The following IL1RAPL2 variants were observed in gnomAD, a reference collection of about 807,000 sequenced individuals.
The protein encoded by IL1RAPL2 is interleukin 1 receptor accessory protein like 2.
In IL1RAPL2, 3 loss-of-function variants were observed where a neutral mutation model predicts 44.1. The ratio of observed to expected loss-of-function variants is 0.07; its 90% confidence interval spans 0.03 to 0.18. IL1RAPL2 has a LOEUF of 0.18. IL1RAPL2 is among the 10% of genes least tolerant of loss of function. The probability of loss-of-function intolerance (pLI) is 1.00; values close to 1 mark genes in which losing one functional copy is unlikely to be tolerated. For missense variants in IL1RAPL2, 391 were observed against 496.4 expected, an observed-to-expected ratio of 0.79 and a Z score of 2.02; for synonymous variants, 181 against 178.8, an observed-to-expected ratio of 1.01 and a Z score of -0.10.
chrX:105,498,062 A>C (rs2036367781), intron 6 of IL1RAPL2, among the ~76,000 whole-genome samples: 1 of 112,031 alleles, frequency 8.9e-6, no homozygotes, highest in South Asian at 3.7e-4. Context: ...CAGAGCGATC[A>C]GGCAAGAAAA....
intron 2 of IL1RAPL2, among the ~76,000 whole-genome samples, chrX:104,717,833 C>T (rs1204701039): frequency 1.8e-5 from 2 of 108,686 alleles, no homozygotes; most frequent in African/African-American, 6.7e-5. Context: ...TCAATTCCCA[C>T]CTATGAGTGA....
chrX:104,890,660 G>A (rs970923467), intron 2 of IL1RAPL2, among the ~76,000 whole-genome samples: 3 of 111,867 alleles, frequency 2.7e-5, no homozygotes, highest in Non-Finnish European at 5.6e-5. Flanking sequence ...TTTTTTTCTT[G>A]TAAATTTGTT....
chrX:105,435,874 A>G (rs1158998345), intron 5 of IL1RAPL2, among the ~76,000 whole-genome samples: 1 of 110,742 alleles, frequency 9.0e-6, no homozygotes, highest in Non-Finnish European at 1.9e-5. Flanking sequence ...GGGGAACAAC[A>G]CATACCGGGG....
At chrX:105,002,911 C>T (rs953707573) in intron 2 of IL1RAPL2, among the ~76,000 whole-genome samples, 2 of 111,018 alleles carry the variant, frequency 1.8e-5, no homozygotes, top group African/African-American at 3.3e-5. Context: ...TATTGAAATC[C>T]TGTGTGAGAA....
intron 2 of IL1RAPL2, among the ~76,000 whole-genome samples, chrX:105,156,269 T>A (rs1569394399): frequency 8.9e-6 from 1 of 111,762 alleles, no homozygotes; most frequent in Admixed American, 9.5e-5. Context: ...GGATTGATCA[T>A]CTCACAGGTA....
Position 105,601,547 on chromosome X carries a change from G to C in IL1RAPL2, c.773-115820G>C, listed in dbSNP as rs142359466. 6.0e-3 allele frequency among the ~76,000 whole-genome samples: 672 copies of C among 111,238 alleles called. 4 individuals carry two copies. Among genetic ancestry groups the C allele is most frequent in the African/African-American group, 0.021 (639 of 30,568 alleles). On this transcript the variant is annotated intron_variant, in intron 6 of 10. Coordinates refer to ENST00000372582, the MANE Select transcript of IL1RAPL2 (RefSeq NM_017416.2). ...AAGTAAGCAAGAGGCTCTCAGCAGC[G>C]CCTATTGCCGCTGTGGATGCCTGCA...
chrX:104,630,496 C>T (rs754294957), intron 1 of IL1RAPL2, among the ~76,000 whole-genome samples: 1 of 107,493 alleles, frequency 9.3e-6, no homozygotes, highest in African/African-American at 3.4e-5. Flanking sequence ...TGGGGTTTCA[C>T]CATGTTGGCC....
chrX:104,629,483 C>G (rs1464254372), intron 1 of IL1RAPL2, among the ~76,000 whole-genome samples: 1 of 111,761 alleles, frequency 8.9e-6, no homozygotes, highest in Non-Finnish European at 1.9e-5. Context: ...GACGGGTTGT[C>G]CTTTCACTCT....
chrX:105,058,050 G>A (rs1177854627), intron 2 of IL1RAPL2, among the ~76,000 whole-genome samples: 1 of 107,829 alleles, frequency 9.3e-6, no homozygotes, highest in Non-Finnish European at 1.9e-5. Flanking sequence ...CCGGGTTCAC[G>A]CCATTCTCCT....
intron 2 of IL1RAPL2, among the ~76,000 whole-genome samples, chrX:105,112,062 A>G (rs910966437): frequency 8.0e-5 from 9 of 111,893 alleles, no homozygotes; most frequent in Admixed American, 9.5e-5. Flanking sequence ...GCTCTGCCAA[A>G]TGTAAATGTT....
At chrX:105,515,747 G>C (rs1430365881) in intron 6 of IL1RAPL2, among the ~76,000 whole-genome samples, 1 of 111,863 alleles carries the variant, frequency 8.9e-6, no homozygotes, top group Non-Finnish European at 1.9e-5. Flanking sequence ...TAGGGGTGTG[G>C]TGGGAAAGAA....
intron 2 of IL1RAPL2, among the ~76,000 whole-genome samples, chrX:104,826,373 C>T (rs918878500): frequency 9.9e-5 from 11 of 111,524 alleles, no homozygotes; most frequent in Admixed American, 4.8e-4. Context: ...ATTATTTACC[C>T]GGTAGTCATT....
chrX:104,917,774 G>A (rs1458114144), intron 2 of IL1RAPL2, among the ~76,000 whole-genome samples: 1 of 111,910 alleles, frequency 8.9e-6, no homozygotes, highest in Non-Finnish European at 1.9e-5. Context: ...AAGTGCTTGA[G>A]TGGAAAACTG....
rs768087411 is a variant in IL1RAPL2, at chrX:105,649,986, C to G, written c.773-67381C>G. Among the ~76,000 whole-genome samples, 4 of 111,255 alleles carry G rather than the reference C, an allele frequency of 3.6e-5. No homozygotes were observed. The South Asian group carries it at 1.5e-3, about 42-fold the overall frequency. On this transcript the variant is annotated intron_variant, in intron 6 of 10. Transcript: ENST00000372582. ...AAGCACGCAGAACACTGGTAAAAGACCAGCATTCCGAGTACAGCAGATTAT... is the reference window on the plus strand; with the variant it reads ...AAGCACGCAGAACACTGGTAAAAGAGCAGCATTCCGAGTACAGCAGATTAT...
At chrX:105,613,666 C>T (rs953422168) in intron 6 of IL1RAPL2, among the ~76,000 whole-genome samples, 4 of 111,536 alleles carry the variant, frequency 3.6e-5, no homozygotes, top group Non-Finnish European at 3.8e-5. Context: ...AAAGAGTCCT[C>T]GGGCCTTAAG....
chrX:105,628,273 A>T (rs891538124), intron 6 of IL1RAPL2, among the ~76,000 whole-genome samples: 2 of 111,633 alleles, frequency 1.8e-5, no homozygotes, highest in Admixed American at 9.5e-5. Flanking sequence ...CAGCTTGCTT[A>T]CCATAGCTCA....
intron 2 of IL1RAPL2, among the ~76,000 whole-genome samples, chrX:104,897,748 G>C (rs1378818666): frequency 8.9e-6 from 1 of 111,935 alleles, no homozygotes; most frequent in Non-Finnish European, 1.9e-5. Context: ...GCAACACCAG[G>C]CATTATAGTG....
At chrX:104,849,919 G>T (rs180672441) in intron 2 of IL1RAPL2, among the ~76,000 whole-genome samples, 1 of 110,372 alleles carries the variant, frequency 9.1e-6, no homozygotes, top group Admixed American at 9.7e-5. Flanking sequence ...AACTCTGCCA[G>T]GTTTTTCCAA....
chrX:105,073,768 T>A (rs1056284297), intron 2 of IL1RAPL2, among the ~76,000 whole-genome samples: 2 of 111,964 alleles, frequency 1.8e-5, no homozygotes, highest in Non-Finnish European at 3.8e-5. Flanking sequence ...CTCATTGTGG[T>A]TTTGATTTGC....
Sources: allele counts gnomAD v4.1 joint callset (sites outside exome capture counted in the v4.1 genomes callset), GRCh38; gene constraint gnomAD v4.1.1; transcripts MANE v1.5; gene names NCBI Gene and HGNC (gene_info 2026-07-23, HGNC 2026-07-21).